The following TBC1D15 variants were observed in gnomAD, a reference collection of about 807,000 sequenced individuals.
TBC1D15 encodes the protein TBC1 domain family member 15, also known as GAP for RAB7.
TBC1D15 carries 39 observed loss-of-function variants against 95.4 expected under a neutral mutation model. The ratio of observed to expected loss-of-function variants is 0.41; its 90% CI spans 0.32 to 0.53. The LOEUF (loss-of-function observed/expected upper bound fraction) is 0.53, where lower values mean the gene tolerates loss of function less well. Ranked by LOEUF, TBC1D15 falls within the 20% of genes least tolerant of loss-of-function variation. The probability of loss-of-function intolerance (pLI) is 0.29; values close to 1 mark genes in which losing one functional copy is unlikely to be tolerated. For missense variants in TBC1D15, 733 were observed against 794.3 expected, an observed-to-expected ratio of 0.92 and a Z score of 0.93; for synonymous variants, 258 against 261.3, an observed-to-expected ratio of 0.99 and a Z score of 0.12.
At chr12:71,871,873 G>A (rs996252753) in intron 1 of TBC1D15, among the ~76,000 whole-genome samples, 197 bp from the exon 2 acceptor site, 12 of 152,210 alleles carry the variant, frequency 7.9e-5, no homozygotes, top group African/African-American at 2.7e-4. Flanking sequence ...CATTAACAAA[G>A]CAGAATTAAT....
At chr12:71,878,907 T>G (rs978487308) in intron 3 of TBC1D15, among the ~76,000 whole-genome samples, 5 of 152,158 alleles carry the variant, frequency 3.3e-5, no homozygotes, top group Non-Finnish European at 5.9e-5. Context: ...TTTGATAATT[T>G]CATTTGTTCA....
intron 1 of TBC1D15, chr12:71,849,304 A>G (rs1015341172): frequency 5.8e-5 from 58 of 1,000,466 alleles, no homozygotes; most frequent in Non-Finnish European, 8.9e-5. Flanking sequence ...ATCTGCCAGA[A>G]GAATCTTTTT....
At chr12:71,856,894 G>A (rs2138045063) in intron 1 of TBC1D15, among the ~76,000 whole-genome samples, 2 of 152,298 alleles carry the variant, frequency 1.3e-5, no homozygotes, top group Non-Finnish European at 2.9e-5. Flanking sequence ...CCCCAGAGCA[G>A]TGGAAGAACC....
chr12:71,895,916 T>C (rs1166715174), intron 7 of TBC1D15, 31 bp from the exon 8 acceptor site: 1 of 1,601,576 alleles, frequency 6.2e-7, no homozygotes, highest in Admixed American at 1.7e-5. Context: ...TGGTTAAATA[T>C]GTACTTATTA....
chr12:71,914,806 A>G (rs1396610119), intron 12 of TBC1D15, among the ~76,000 whole-genome samples: 1 of 152,060 alleles, frequency 6.6e-6, no homozygotes, highest in Non-Finnish European at 1.5e-5. Flanking sequence ...CTGGGATACA[A>G]ATGTGAAATT....
chr12:71,913,964 A>G, intron 12 of TBC1D15, 38 bp downstream of exon 12: 1 of 1,460,650 alleles, frequency 6.8e-7, no homozygotes, highest in Non-Finnish European at 9.4e-7. Flanking sequence ...CTGATTTTTA[A>G]AATTTTAGTT....
intron 1 of TBC1D15, among the ~76,000 whole-genome samples, chr12:71,857,984 A>G (rs759418569): frequency 6.6e-6 from 1 of 152,132 alleles, no homozygotes; most frequent in Non-Finnish European, 1.5e-5. Flanking sequence ...ATATATCCTC[A>G]ATGCTCATCC....
rs372120930 is a variant in TBC1D15 at position 71,839,793 on chromosome 12, G to A, written c.12G>A (p.Ala4=). 35 of 1,614,080 alleles carry A rather than the reference G, an allele frequency of 2.2e-5. No homozygotes were observed. In the African/African-American group the frequency reaches 4.1e-4, roughly 19 times the overall value. The change falls in exon 1 of 17, where the codon GCG becomes GCA. Residue 4 remains alanine (A), a synonymous_variant. Transcript: ENST00000485960. ...CACGCGCAGGAAACATGGCGGCGGC[G>A]GGTGTTGTGAGCGGGAAGGTAGGTA... The part of the protein sequence containing the change: MAA[A]GVVSGKIIYE...
chr12:71,910,583 T>C (rs537066066), intron 11 of TBC1D15, among the ~76,000 whole-genome samples: 2,423 of 152,056 alleles, frequency 0.016, 29 homozygotes, highest in Non-Finnish European at 0.028. Context: ...TTCACATCCC[T>C]TGTAAGTTGG....
At chr12:71,881,332 AAG>A (rs1895084181) in intron 4 of TBC1D15, among the ~76,000 whole-genome samples, 1 of 152,224 alleles carries the variant, frequency 6.6e-6, no homozygotes, top group South Asian at 2.1e-4. Flanking sequence ...TCATAAAAGA[AAG>A]AAGCTTTACA....
At chr12:71,922,534 A>T (rs951036743) in intron 16 of TBC1D15, among the ~76,000 whole-genome samples, 3 of 152,082 alleles carry the variant, frequency 2.0e-5, no homozygotes, top group Non-Finnish European at 2.9e-5. Context: ...TGGTCCTTGT[A>T]TCATTTGTTC....
intron 1 of TBC1D15, among the ~76,000 whole-genome samples, chr12:71,843,920 T>C (rs1396756884): frequency 6.6e-6 from 1 of 152,224 alleles, no homozygotes; most frequent in African/African-American, 2.4e-5. Flanking sequence ...TACAACCACC[T>C]GTATTGTGCA....
chr12:71,900,094 A>G (rs1260125827), intron 10 of TBC1D15, among the ~76,000 whole-genome samples: 1 of 152,154 alleles, frequency 6.6e-6, no homozygotes, highest in Non-Finnish European at 1.5e-5. Flanking sequence ...GTTTCTGACT[A>G]GAAAACGGGC....
At chr12:71,869,271 C>G (rs1892161417) in intron 1 of TBC1D15, among the ~76,000 whole-genome samples, 1 of 152,044 alleles carries the variant, frequency 6.6e-6, no homozygotes, top group Non-Finnish European at 1.5e-5. Flanking sequence ...GCCTGTAATC[C>G]CAGCACTTTG....
chr12:71,922,433 C>T (rs1033640605), intron 16 of TBC1D15, among the ~76,000 whole-genome samples: 1 of 151,834 alleles, frequency 6.6e-6, no homozygotes, highest in Non-Finnish European at 1.5e-5. Flanking sequence ...GGTACATGTG[C>T]ACAACATGCA....
intron 1 of TBC1D15, among the ~76,000 whole-genome samples, chr12:71,842,928 A>C (rs985072808): frequency 6.6e-6 from 1 of 152,028 alleles, no homozygotes; most frequent in African/African-American, 2.4e-5. Flanking sequence ...AGAGTTGTAA[A>C]ATCCTATTGT....
intron 1 of TBC1D15, among the ~76,000 whole-genome samples, chr12:71,855,417 C>T (rs1383387254): frequency 2.0e-5 from 3 of 152,016 alleles, no homozygotes; most frequent in Non-Finnish European, 2.9e-5. Context: ...ATAAGGCAAA[C>T]TTGTAATCAC....
At chr12:71,841,987 C>G (rs1885136254) in intron 1 of TBC1D15, among the ~76,000 whole-genome samples, 1 of 152,030 alleles carries the variant, frequency 6.6e-6, no homozygotes, top group African/African-American at 2.4e-5. Context: ...TATTCATCTC[C>G]CCTCTCCCTT....
chr12:71,864,509 T>G (rs965838653), intron 1 of TBC1D15, among the ~76,000 whole-genome samples: 1 of 150,904 alleles, frequency 6.6e-6, no homozygotes, highest in African/African-American at 2.4e-5. Context: ...TGTTTGTTTG[T>G]TTGTTTTGTT....
Sources: allele counts gnomAD v4.1 joint callset (sites outside exome capture counted in the v4.1 genomes callset), GRCh38; gene constraint gnomAD v4.1.1; transcripts MANE v1.5; gene names NCBI Gene and HGNC (gene_info 2026-07-23, HGNC 2026-07-21).